The following SCN1A variants were observed in gnomAD, a reference collection of about 807,000 sequenced individuals.
SCN1A encodes sodium voltage-gated channel alpha subunit 1, also known as sodium channel protein type 1 subunit alpha.
A neutral mutation model predicts 193.7 loss-of-function variants in SCN1A; 13 were observed. The ratio of observed to expected loss-of-function variants is 0.07; its 90% CI spans 0.04 to 0.11. The LOEUF (loss-of-function observed/expected upper bound fraction) is 0.11, where lower values mean the gene tolerates loss of function less well. Ranked by LOEUF, SCN1A falls within the 10% of genes least tolerant of loss-of-function variation. The pLI, the probability that SCN1A is intolerant of heterozygous loss-of-function variation, is 1.00. For synonymous variants in SCN1A, 781 were observed against 843.6 expected, an observed-to-expected ratio of 0.93 and a Z score of 1.29; for missense variants, 1,432 against 2,451.1, an observed-to-expected ratio of 0.58 and a Z score of 8.78.
intron 4 of SCN1A, among the ~76,000 whole-genome samples, chr2:166,062,295 C>T (rs1418964958): frequency 6.6e-6 from 1 of 152,062 alleles, no homozygotes; most frequent in Admixed American, 6.6e-5. Flanking sequence ...TGTATAGCAA[C>T]CCAATATGTA....
chr2:166,046,719 G>A lies in SCN1A; in HGVS notation c.1377+51C>T, dbSNP rs747088704. ...GTACTCACTTTCTCTTCAATATTAC[G>A]TAACAATCAGAACGATAAAAGGTCA... On this transcript the variant is annotated intron_variant, in intron 12 of 28. Transcript: ENST00000674923. 13 of 1,569,390 alleles carry A rather than the reference G, an allele frequency of 8.3e-6. No individual in the cohort carries two copies. In the East Asian group the frequency reaches 1.3e-4, roughly 16 times the overall value.
chr2:166,026,170 G>A (rs1412694187), intron 19 of SCN1A, among the ~76,000 whole-genome samples: 2 of 151,892 alleles, frequency 1.3e-5, no homozygotes, highest in Non-Finnish European at 2.9e-5. Context: ...TGTTTTTTGA[G>A]ATAATATACA....
chr2:166,112,940 A>G (rs1689454074), intron 2 of SCN1A, among the ~76,000 whole-genome samples: 1 of 152,190 alleles, frequency 6.6e-6, no homozygotes, highest in Non-Finnish European at 1.5e-5. Context: ...ACTTTCTGCT[A>G]TATGTCTCTT....
At chr2:166,132,184 T>C (rs572498268), upstream of SCN1A, among the ~76,000 whole-genome samples, 2 of 152,176 alleles carry the variant, frequency 1.3e-5, no homozygotes, top group Admixed American at 6.5e-5. Context: ...CCAACACAGA[T>C]AGCAAATGCT....
chr2:166,096,597 T>C (rs1176164602), intron 2 of SCN1A, among the ~76,000 whole-genome samples: 4 of 152,186 alleles, frequency 2.6e-5, no homozygotes, highest in African/African-American at 9.6e-5. Flanking sequence ...TCATGTTTTT[T>C]ATAAGAACAT....
At chr2:166,013,979 T>C in intron 20 of SCN1A, 81 bp from the exon 21 acceptor site, 2 of 1,492,988 alleles carry the variant, frequency 1.3e-6, no homozygotes, top group South Asian at 2.3e-5. Flanking sequence ...GTCTTGTCTT[T>C]TTATTACTAT....
At position 166,046,779 on chromosome 2, in the gene SCN1A, C is replaced by T. The variant is rs758952113; in HGVS notation, c.1368G>A (p.Glu456=). Residue 456 remains glutamate (E), a synonymous_variant, in exon 12 of 29, where the codon GAG becomes GAA. Transcript: ENST00000674923. ...GACAGGGCAGCTTTACCTGAGCTGC[C>T]TCCTGTTGCTTTTTAAGCTGTTCAA... ...QMIEQLKKQQ[E]AAQQAATATA... is the part of the protein sequence containing the mutation. 1.2e-6 allele frequency: 2 copies of T among 1,613,534 alleles called. No homozygotes were observed. Among genetic ancestry groups the T allele is most frequent in the East Asian group, 2.2e-5 (1 of 44,868 alleles).
At chr2:166,107,179 A>G (rs1001397715) in intron 2 of SCN1A, among the ~76,000 whole-genome samples, 4 of 152,338 alleles carry the variant, frequency 2.6e-5, no homozygotes, top group African/African-American at 9.6e-5. Flanking sequence ...ACAAAAAGCA[A>G]GTAATCTTCG....
chr2:166,062,652 G>A (rs13405797), intron 4 of SCN1A, among the ~76,000 whole-genome samples: 31,270 of 151,960 alleles, frequency 0.21, 3,482 homozygotes, highest in East Asian at 0.36. Flanking sequence ...CCCGCTATAC[G>A]TATAAGAAAG....
chr2:165,990,980 C>CT lies in SCN1A; in HGVS notation c.*264dup, dbSNP rs1689048805. On this transcript the variant is annotated 3_prime_UTR_variant, in exon 29 of 29. Transcript: ENST00000674923. ...ACCCCTTGAAACTGGTCCCTACAGT[C>CT]TGACTAGCCATTGTGCATCTTATCT... The CT allele has an allele frequency of 2.2e-6, 1 of 451,952 alleles. No individual in the cohort carries two copies. The highest frequency in any genetic ancestry group is 4.0e-5 in the Admixed American group (1 of 25,132). The allele number at this position is 451,952 out of a possible 1,614,324, so 28.0% of individuals were successfully genotyped here. A position where few individuals can be genotyped will look rare whatever the true frequency, so the allele number is the denominator to read the frequency against.
At chr2:166,009,510 C>A in intron 23 of SCN1A, 1 of 361,842 alleles carries the variant, frequency 2.8e-6, no homozygotes, top group African/African-American at 2.1e-5. Context: ...TAAATAAGCA[C>A]AGCAGATAAA....
chr2:166,085,210 A>G (rs1685979627), intron 2 of SCN1A, among the ~76,000 whole-genome samples: 1 of 152,180 alleles, frequency 6.6e-6, no homozygotes, highest in Non-Finnish European at 1.5e-5. Flanking sequence ...GGAGACATAC[A>G]ATACCCTCCT....
At position 166,043,663 on chromosome 2, in the gene SCN1A, C is replaced by T; in HGVS notation, c.2043+6G>A. On this transcript the variant is annotated splice_donor_region_variant and intron_variant, in intron 14 of 28. Coordinates refer to ENST00000674923, the MANE Select transcript of SCN1A (RefSeq NM_001165963.4). ...GCCATGCCTGAACTATTTAAAACTT[C>T]CTTACATTGTCATCAGTAGCTGGCT... 6.2e-7 allele frequency: 1 copy of T among 1,612,890 alleles called. No individual in the cohort carries two copies. Among genetic ancestry groups the T allele is most frequent in the East Asian group, 2.2e-5 (1 of 44,838 alleles).
chr2:166,126,744 T>C (rs1691287887), intron 2 of SCN1A, among the ~76,000 whole-genome samples, 180 bp downstream of exon 2: 1 of 152,188 alleles, frequency 6.6e-6, no homozygotes, highest in Non-Finnish European at 1.5e-5. Flanking sequence ...AAATATTTAG[T>C]CACATGCACA....
intron 2 of SCN1A, among the ~76,000 whole-genome samples, chr2:166,119,157 C>G (rs1421447879): frequency 6.6e-6 from 1 of 152,190 alleles, no homozygotes; most frequent in Non-Finnish European, 1.5e-5. Context: ...CCTAACAGGC[C>G]AGGGACCAGT....
In SCN1A at chr2:166,036,429, C is replaced by A; in HGVS notation, c.3048G>T (p.Val1016=). The A allele has an allele frequency of 6.2e-7, 1 of 1,606,486 alleles. No individual in the cohort carries two copies. Reference sequence around the variant, plus strand: ...AAGCTACTCCTTTGTGCATCCTATCCACAGCAATTTGGAGATTATTCATTT... The same window carrying A: ...AAGCTACTCCTTTGTGCATCCTATCAACAGCAATTTGGAGATTATTCATTT... ...DNEMNNLQIA[V]DRMHKGVAYV... The change falls in exon 19 of 29, where the codon GTG becomes GTT. Residue 1016 remains valine, a synonymous_variant. Transcript: ENST00000674923.
rs1279679426 is a variant in SCN1A at position 165,985,834 on chromosome 2, A to G, written c.*5411T>C. ...CCAATTCATGGTGGTTTAGAAACACATTTATTTTCTTATATAATAAGAAAT... is the reference window on the plus strand; with the variant it reads ...CCAATTCATGGTGGTTTAGAAACACGTTTATTTTCTTATATAATAAGAAAT... On this transcript the variant is annotated 3_prime_UTR_variant, in exon 29 of 29. Coordinates refer to ENST00000674923, the MANE Select transcript of SCN1A (RefSeq NM_001165963.4). The G allele has an allele frequency of 6.6e-6, 1 of 152,184 alleles. No homozygotes were observed. Among genetic ancestry groups the G allele is most frequent in the Non-Finnish European group, 1.5e-5 (1 of 68,014 alleles). 9.4% of individuals were successfully genotyped at this position (152,184 alleles called of 1,614,324 possible).
chr2:166,049,402 T>A (rs1301382436), intron 9 of SCN1A, among the ~76,000 whole-genome samples: 2 of 152,014 alleles, frequency 1.3e-5, no homozygotes, highest in African/African-American at 4.8e-5. Context: ...AATAGTATAT[T>A]TTCTGGTCCT....
intron 23 of SCN1A, among the ~76,000 whole-genome samples, chr2:166,003,840 A>C (rs958419527): frequency 2.0e-5 from 3 of 149,450 alleles, no homozygotes; most frequent in Admixed American, 6.8e-5. Flanking sequence ...ATTTGATGCC[A>C]GTGTATTTTT....
Sources: allele counts gnomAD v4.1 joint callset (sites outside exome capture counted in the v4.1 genomes callset), GRCh38; gene constraint gnomAD v4.1.1; transcripts MANE v1.5; gene names NCBI Gene and HGNC (gene_info 2026-07-23, HGNC 2026-07-21).